ADGRL2: variants seen among roughly 807,000 people sequenced by gnomAD.
ADGRL2 encodes adhesion G protein-coupled receptor L2.
ADGRL2 carries 44 observed loss-of-function variants against 157.4 expected under a neutral mutation model. The observed-to-expected ratio is 0.28, with a 90% CI of 0.22 to 0.36. ADGRL2 has a LOEUF of 0.36. Among genes scored for constraint, ADGRL2 ranks in the 10% least tolerant of loss-of-function variants. The probability of loss-of-function intolerance (pLI) is 1.00; values close to 1 mark genes in which losing one functional copy is unlikely to be tolerated. For synonymous variants in ADGRL2, 585 were observed against 624.7 expected (o/e 0.94, Z 0.95); for missense variants, 1,510 against 1,768.9 (o/e 0.85, Z 2.63).
At chr1:81,679,482 C>T (rs975268219) in intron 3 of ADGRL2, among the ~76,000 whole-genome samples, 4 of 151,978 alleles carry the variant, frequency 2.6e-5, no homozygotes, top group African/African-American at 4.8e-5. Context: ...TTACTAGCCT[C>T]GGTTTCCCTA....
At chr1:81,352,926 G>C (rs780415377) in intron 1 of ADGRL2, among the ~76,000 whole-genome samples, 3 of 152,068 alleles carry the variant, frequency 2.0e-5, no homozygotes, top group Non-Finnish European at 2.9e-5. Flanking sequence ...GAATGGGATA[G>C]AAAAACAAAA....
chr1:81,960,741 G>A (rs1655079555), intron 11 of ADGRL2, among the ~76,000 whole-genome samples: 2 of 152,116 alleles, frequency 1.3e-5, no homozygotes, highest in Admixed American at 1.3e-4. Flanking sequence ...CCAAAGTGCT[G>A]GGATTAAAGG....
chr1:81,307,022 G>C (rs903815673), intron 1 of ADGRL2, among the ~76,000 whole-genome samples: 1 of 152,154 alleles, frequency 6.6e-6, no homozygotes, highest in Non-Finnish European at 1.5e-5. Context: ...TTGCTAACAG[G>C]CCTGTCAGAT....
chr1:81,488,281 T>C (rs1379040424), intron 2 of ADGRL2, among the ~76,000 whole-genome samples: 1 of 152,174 alleles, frequency 6.6e-6, no homozygotes, highest in Non-Finnish European at 1.5e-5. Flanking sequence ...GGTGGATCCT[T>C]GGCACAGAGA....
intron 2 of ADGRL2, among the ~76,000 whole-genome samples, chr1:81,856,542 C>A (rs2093209624): frequency 1.3e-5 from 2 of 152,140 alleles, no homozygotes; most frequent in Non-Finnish European, 2.9e-5. Context: ...TTAGCAGTGC[C>A]TATCAGCAGA....
At chr1:81,598,096 C>G (rs2081270463) in intron 3 of ADGRL2, among the ~76,000 whole-genome samples, 1 of 152,140 alleles carries the variant, frequency 6.6e-6, no homozygotes, top group Non-Finnish European at 1.5e-5. Context: ...GTAAACTGAG[C>G]ATATTCTCAG....
chr1:81,608,444 C>T (rs72935298), intron 3 of ADGRL2, among the ~76,000 whole-genome samples: 3,987 of 152,216 alleles, frequency 0.026, 167 homozygotes, highest in African/African-American at 0.091. Context: ...GTCTTTAGAT[C>T]TCATTAATAA....
At position 81,510,763 on chromosome 1, in the gene ADGRL2, T is replaced by G. The variant is rs951895496; in HGVS notation, c.-248+65674T>G. Reference sequence around the variant, plus strand: ...ATGAAAAAGACTGCGGTGTATTTCATTATTAGTACACATGAACAGTTTGAA... The same window carrying G: ...ATGAAAAAGACTGCGGTGTATTTCAGTATTAGTACACATGAACAGTTTGAA... On this transcript the variant is annotated intron_variant, in intron 2 of 24. Coordinates refer to the ADGRL2 transcript ENST00000370721. Among the ~76,000 whole-genome samples, 4 of 152,190 alleles carry G rather than the reference T, an allele frequency of 2.6e-5. No homozygotes were observed. The South Asian group carries it at 6.2e-4, about 24-fold the overall frequency.
At chr1:81,325,664 T>G (rs1660846687) in intron 1 of ADGRL2, among the ~76,000 whole-genome samples, 1 of 152,190 alleles carries the variant, frequency 6.6e-6, no homozygotes, top group African/African-American at 2.4e-5. Context: ...CCAATATAAC[T>G]CTAAACTTGC....
chr1:81,416,316 C>CAA (rs61343094), intron 1 of ADGRL2, among the ~76,000 whole-genome samples: 31,560 of 141,046 alleles, frequency 0.22, 4,298 homozygotes, highest in Non-Finnish European at 0.31. Context: ...AACCTTCTTG[C>CAA]AAAAAAAAAA....
intron 2 of ADGRL2, among the ~76,000 whole-genome samples, chr1:81,881,299 C>A (rs548154080): frequency 2.0e-5 from 3 of 152,158 alleles, no homozygotes; most frequent in African/African-American, 7.2e-5. Flanking sequence ...CCTCAGCCTC[C>A]CGAGTAGCTG....
chr1:81,871,305 G>A (rs927513087), intron 2 of ADGRL2, among the ~76,000 whole-genome samples: 1 of 151,624 alleles, frequency 6.6e-6, no homozygotes, highest in South Asian at 2.1e-4. Flanking sequence ...TGGTGTATAT[G>A]TGCCACATTT....
intron 2 of ADGRL2, among the ~76,000 whole-genome samples, chr1:81,462,796 C>T (rs1323741880): frequency 6.6e-6 from 1 of 151,812 alleles, no homozygotes; most frequent in Non-Finnish European, 1.5e-5. Context: ...AATCATTTAT[C>T]AGAAAAAGGG....
Position 81,343,094 on chromosome 1 carries a change from T to TTC in ADGRL2, c.-302+36586_-302+36587insCT, listed in dbSNP as rs1476111844. Among the ~76,000 whole-genome samples the TTC allele has an allele frequency of 7.0e-5, 10 of 143,384 alleles. 1 individual carries two copies. The highest frequency in any genetic ancestry group is 1.4e-4 in the Non-Finnish European group (9 of 65,586). 94.1% of individuals were successfully genotyped at this position (143,384 alleles called of 152,430 possible). ...TTTCTTTTTTTCTTTTTTCTTTTCT[T>TTC]TTTTTTTTTTTTGAGACAGAATCTC... On this transcript the variant is annotated intron_variant, in intron 1 of 24. Transcript: ENST00000370721.
chr1:81,609,847 T>C (rs1249925129), intron 3 of ADGRL2, among the ~76,000 whole-genome samples: 1 of 152,232 alleles, frequency 6.6e-6, no homozygotes, highest in Non-Finnish European at 1.5e-5. Flanking sequence ...GGTTGGGAGA[T>C]ATAACCAAAA....
intron 2 of ADGRL2, among the ~76,000 whole-genome samples, chr1:81,514,393 A>G (rs2079136040): frequency 6.6e-6 from 1 of 152,176 alleles, no homozygotes. Context: ...TGCAACTGAA[A>G]AGGAGGATTC....
At chr1:81,785,794 C>G (rs1441579715) in intron 2 of ADGRL2, among the ~76,000 whole-genome samples, 1 of 152,014 alleles carries the variant, frequency 6.6e-6, no homozygotes, top group Non-Finnish European at 1.5e-5. Context: ...TGATTCTCAT[C>G]TTGTGGAGAT....
At chr1:81,408,993 G>A (rs939933165) in intron 1 of ADGRL2, among the ~76,000 whole-genome samples, 20 of 152,202 alleles carry the variant, frequency 1.3e-4, no homozygotes, top group Non-Finnish European at 2.2e-4. Flanking sequence ...TAGAAGCAAT[G>A]TTCAGACTCA....
At chr1:81,885,609 A>G (rs1039099455) in intron 2 of ADGRL2, among the ~76,000 whole-genome samples, 1 of 152,188 alleles carries the variant, frequency 6.6e-6, no homozygotes, top group Non-Finnish European at 1.5e-5. Context: ...TGATTGCCTG[A>G]GAGGAACAGA....
Sources: gnomAD v4.1 joint callset for allele counts (sites outside exome capture counted in the v4.1 genomes callset) on GRCh38, gnomAD v4.1.1 for gene constraint, MANE v1.5 for transcripts, NCBI Gene and HGNC (gene_info 2026-07-23, HGNC 2026-07-21) for gene names.